EPB41: variants seen among roughly 807,000 people sequenced by gnomAD.
EPB41 encodes the protein erythrocyte membrane protein band 4.1.
Under a neutral mutation model 108.0 loss-of-function variants are expected in EPB41, and 65 were observed. That is an observed-to-expected ratio of 0.60 (90% CI 0.49 to 0.74). EPB41 has a LOEUF of 0.74. EPB41 is among the 30% of genes least tolerant of loss of function. The pLI is 0.00. For missense variants in EPB41, 875 were observed against 1,037.0 expected, an observed-to-expected ratio of 0.84 and a Z score of 2.15; for synonymous variants, 336 against 358.9, an observed-to-expected ratio of 0.94 and a Z score of 0.72.
At chr1:29,052,954 T>C (rs1393945377) in intron 11 of EPB41, 150 bp from the exon 12 acceptor site, 1 of 849,042 alleles carries the variant, frequency 1.2e-6, no homozygotes, top group South Asian at 1.5e-5. Context: ...AGAGCACTAA[T>C]GATTTATTTT....
Position 29,018,322 on chromosome 1 carries a change from C to T in EPB41, c.1004C>T (p.Ser335Phe). Residue 335 changes from serine to phenylalanine, a missense_variant, in exon 7 of 21, where the codon TCT becomes TTT. Ser to Phe is a radical substitution (Grantham distance 155). Coordinates refer to ENST00000343067, the MANE Select transcript of EPB41 (RefSeq NM_001376013.1). This position sits in a 1 kb window ranked among gnomAD's most constrained non-coding sequence, Gnocchi z 4.4. ...LALLGSYTIQ[S>F]ELGDYDPELH... ...TTATTAGGTTCTTACACCATCCAGT[C>T]TGAACTGGGAGACTACGACCCAGAA... 1.2e-6 allele frequency: 2 copies of T among 1,614,168 alleles called. No homozygotes were observed. Among genetic ancestry groups the T allele is most frequent in the Non-Finnish European group, 1.7e-6 (2 of 1,180,034 alleles).
At chr1:29,103,646 TTTTTA>T (rs1158208327) in intron 17 of EPB41, among the ~76,000 whole-genome samples, 1 of 152,162 alleles carries the variant, frequency 6.6e-6, no homozygotes, top group Admixed American at 6.6e-5. Flanking sequence ...TACAAATTGC[TTTTTA>T]TTTTATTTGT....
chr1:28,922,654 G>A (rs2148314859), intron 1 of EPB41, among the ~76,000 whole-genome samples: 1 of 141,846 alleles, frequency 7.0e-6, no homozygotes, highest in East Asian at 2.1e-4. Context: ...TCGAGATTGA[G>A]TCTCACTCTG....
At chr1:28,977,989 C>G (rs2095649749) in intron 1 of EPB41, among the ~76,000 whole-genome samples, 1 of 151,054 alleles carries the variant, frequency 6.6e-6, no homozygotes, top group Admixed American at 6.6e-5. Context: ...TGCAAACTCT[C>G]CTTAATCATT....
chr1:29,073,507 A>G (rs1198047995), intron 16 of EPB41, among the ~76,000 whole-genome samples: 2 of 152,216 alleles, frequency 1.3e-5, no homozygotes, highest in Non-Finnish European at 2.9e-5. Flanking sequence ...AAAAACATAC[A>G]TTAACTTCTT....
At chr1:28,977,224 T>G (rs2095627248) in intron 1 of EPB41, among the ~76,000 whole-genome samples, 1 of 152,132 alleles carries the variant, frequency 6.6e-6, no homozygotes, top group Non-Finnish European at 1.5e-5. Flanking sequence ...TCAAACTTCA[T>G]CCCTAAATGG....
intron 7 of EPB41, among the ~76,000 whole-genome samples, chr1:29,019,679 A>C (rs961028881): frequency 6.6e-6 from 1 of 152,172 alleles, no homozygotes; most frequent in Non-Finnish European, 1.5e-5. Flanking sequence ...CATGATAGTA[A>C]AAATTATTCT....
chr1:28,939,535 C>A lies in EPB41; in HGVS notation c.-8+24767C>A, dbSNP rs920290543. Among the ~76,000 whole-genome samples the A allele has an allele frequency of 9.7e-4, 147 of 152,200 alleles. 1 individual carries two copies. The highest frequency in any genetic ancestry group is 3.4e-3 in the African/African-American group (143 of 41,520). On this transcript the variant is annotated intron_variant, in intron 1 of 20. Coordinates refer to ENST00000343067, the MANE Select transcript of EPB41 (RefSeq NM_001376013.1). ...CTTGGCTCACTGCAATGACCTTCTT[C>A]CGGGTTCAAGCGATTCTCCTGGCTC...
intron 16 of EPB41, among the ~76,000 whole-genome samples, chr1:29,077,399 C>T (rs1225655774): frequency 2.0e-5 from 3 of 150,778 alleles, no homozygotes; most frequent in Non-Finnish European, 4.4e-5. Context: ...AGCAAGACCC[C>T]ATCTCAAAAA....
chr1:29,097,797 T>G lies in EPB41; in HGVS notation c.2185-10T>G, dbSNP rs1232861698. On this transcript the variant is annotated splice_polypyrimidine_tract_variant and intron_variant, in intron 16 of 20. Transcript: ENST00000343067. ...AATACTCTAGTAACTCTTTCCTTACTGCTTCACAGCCTCCCCTGGTGAAGA... is the reference window on the plus strand; with the variant it reads ...AATACTCTAGTAACTCTTTCCTTACGGCTTCACAGCCTCCCCTGGTGAAGA... The G allele has an allele frequency of 6.2e-7, 1 of 1,613,926 alleles. No homozygotes were observed. Among genetic ancestry groups the G allele is most frequent in the Non-Finnish European group, 8.5e-7 (1 of 1,179,792 alleles).
chr1:29,045,694 T>G (rs987492620), intron 11 of EPB41, among the ~76,000 whole-genome samples: 1 of 150,494 alleles, frequency 6.6e-6, no homozygotes, highest in Non-Finnish European at 1.5e-5. Flanking sequence ...GGTTTTTGGC[T>G]GGTTGCAGTG....
chr1:29,072,880 G>C (rs1573564257), intron 16 of EPB41: 1 of 152,210 alleles, frequency 6.6e-6, no homozygotes, highest in Non-Finnish European at 1.5e-5. Context: ...GGAGGCTGAG[G>C]CGGGCAGATC....
rs192242031 is a variant in EPB41, at chr1:28,923,246, C to A, written c.-8+8478C>A. Among the ~76,000 whole-genome samples, 85 of 151,174 alleles carry A rather than the reference C, an allele frequency of 5.6e-4. 1 individual carries two copies. The highest frequency in any genetic ancestry group is 2.0e-3 in the African/African-American group (82 of 41,182). Reference sequence around the variant, plus strand: ...AAGTAGCTGGGATTACAGGCGTGTGCCACCACACCTGGCTAATTTTTGTAT... The same window carrying A: ...AAGTAGCTGGGATTACAGGCGTGTGACACCACACCTGGCTAATTTTTGTAT... On this transcript the variant is annotated intron_variant, in intron 1 of 20. Coordinates refer to ENST00000343067, the MANE Select transcript of EPB41 (RefSeq NM_001376013.1).
intron 4 of EPB41, among the ~76,000 whole-genome samples, chr1:29,000,985 C>G (rs896594384): frequency 1.4e-4 from 22 of 152,042 alleles, no homozygotes; most frequent in Admixed American, 3.3e-4. Context: ...TTAGGATTGT[C>G]AAGTTAAAGG....
rs1464962949 is a variant in EPB41 at position 28,987,900 on chromosome 1, A to G, written c.463A>G (p.Thr155Ala). The stretch of plus-strand genomic sequence containing the variant: ...TCTTCATTCATTAAGCAGTGCAGAA[A>G]CACAGGTAAGGATGTGTGGATATGG... ...LDLHSLSSAE[T>A]QPAQEELRED... Residue 155 changes from threonine to alanine, a missense_variant, in exon 2 of 21, where the codon ACA becomes GCA. Transcript: ENST00000343067. 2 of 1,614,030 alleles carry G rather than the reference A, an allele frequency of 1.2e-6. No individual in the cohort carries two copies. The highest frequency in any genetic ancestry group is 1.7e-6 in the Non-Finnish European group (2 of 1,179,982).
intron 6 of EPB41, among the ~76,000 whole-genome samples, chr1:29,017,502 C>T (rs1572526916): frequency 6.6e-6 from 1 of 152,292 alleles, no homozygotes; most frequent in South Asian, 2.1e-4. Context: ...TTGGACTGAA[C>T]TGTTTTAACT....
Position 29,115,898 on chromosome 1 carries a change from A to G in EPB41, c.*6+95A>G. 1 of 930,558 alleles carries G rather than the reference A, an allele frequency of 1.1e-6. No homozygotes were observed. Among genetic ancestry groups the G allele is most frequent in the South Asian group, 1.3e-5 (1 of 74,808 alleles). 57.6% of individuals were successfully genotyped at this position (930,558 alleles called of 1,614,324 possible). ...TCGGACACACTGGGAGCCCATCCCC[A>G]CAAAGAGGTGTTCACCCTGGGACTT... On this transcript the variant is annotated intron_variant, in intron 20 of 20. Coordinates refer to ENST00000343067, the MANE Select transcript of EPB41 (RefSeq NM_001376013.1). This position sits in a 1 kb window ranked among gnomAD's most constrained non-coding sequence, Gnocchi z 4.4.
intron 11 of EPB41, among the ~76,000 whole-genome samples, chr1:29,052,271 C>T (rs140633562): frequency 1.4e-4 from 21 of 152,276 alleles, no homozygotes; most frequent in Non-Finnish European, 2.8e-4. Flanking sequence ...GATGCCAGTA[C>T]CTCCCGTCTC....
At chr1:29,031,396 A>C (rs1158763201) in intron 8 of EPB41, among the ~76,000 whole-genome samples, 1 of 152,198 alleles carries the variant, frequency 6.6e-6, no homozygotes, top group African/African-American at 2.4e-5. Context: ...GTATGGAATT[A>C]ATTTGGAGGC....
Sources: allele counts gnomAD v4.1 joint callset (sites outside exome capture counted in the v4.1 genomes callset), GRCh38; gene constraint gnomAD v4.1.1; non-coding constraint Gnocchi (gnomAD v3.1); transcripts MANE v1.5; gene names NCBI Gene and HGNC (gene_info 2026-07-23, HGNC 2026-07-21).